Variants in ALKBH3 observed in about 807,000 individuals in gnomAD.
The protein encoded by ALKBH3 is alpha-ketoglutarate-dependent dioxygenase alkB homolog 3.
ALKBH3 carries 51 observed loss-of-function variants against 43.9 expected under a neutral mutation model. That is an observed-to-expected ratio of 1.16 (90% CI 0.93 to 1.47). The LOEUF (loss-of-function observed/expected upper bound fraction) is 1.47, where lower values mean the gene tolerates loss of function less well. Ranked by LOEUF, ALKBH3 falls within the 40% of genes most tolerant of loss-of-function variation. The probability of loss-of-function intolerance (pLI) is 0.00; values close to 1 mark genes in which losing one functional copy is unlikely to be tolerated. For synonymous variants in ALKBH3, 102 were observed against 115.2 expected, an observed-to-expected ratio of 0.89 and a Z score of 0.73; for missense variants, 361 against 351.9, an observed-to-expected ratio of 1.03 and a Z score of -0.21.
intron 5 of ALKBH3, among the ~76,000 whole-genome samples, chr11:43,887,664 C>T (rs1951755512): frequency 6.6e-6 from 1 of 152,130 alleles, no homozygotes; most frequent in Admixed American, 6.5e-5. Flanking sequence ...AGAATTGCGC[C>T]TAGCCTGGAC....
chr11:43,906,156 A>G (rs767362359), intron 8 of ALKBH3, among the ~76,000 whole-genome samples: 1 of 152,328 alleles, frequency 6.6e-6, no homozygotes, highest in South Asian at 2.1e-4. Context: ...CTTGTGAAGA[A>G]TGTGAATCCT....
At chr11:43,915,343 A>G (rs747700169) in intron 8 of ALKBH3, among the ~76,000 whole-genome samples, 3 of 152,148 alleles carry the variant, frequency 2.0e-5, no homozygotes, top group Non-Finnish European at 4.4e-5. Flanking sequence ...AGGTACTGTC[A>G]TGTTTTCCTG....
chr11:43,883,965 C>T lies in ALKBH3; in HGVS notation c.184-18C>T, dbSNP rs1951730975. The stretch of plus-strand genomic sequence containing the variant: ...ATTAAGAACATCCCAGAAGTAAGAT[C>T]CGCCTATTTCCTTGCAGGTAGTACG... On this transcript the variant is annotated intron_variant, in intron 3 of 9. Transcript: ENST00000302708. 1.2e-6 allele frequency: 2 copies of T among 1,612,944 alleles called. No homozygotes were observed. Among genetic ancestry groups the T allele is most frequent in the Non-Finnish European group, 1.7e-6 (2 of 1,179,548 alleles).
intron 8 of ALKBH3, among the ~76,000 whole-genome samples, chr11:43,907,089 A>G (rs1195811426): frequency 6.6e-6 from 1 of 152,186 alleles, no homozygotes; most frequent in African/African-American, 2.4e-5. Flanking sequence ...TTGAAAGAGT[A>G]TAGGGAAGCC....
chr11:43,885,716 G>A (rs904922417), intron 4 of ALKBH3, among the ~76,000 whole-genome samples: 1 of 152,164 alleles, frequency 6.6e-6, no homozygotes, highest in African/African-American at 2.4e-5. Flanking sequence ...CAGACACTGG[G>A]AAGCAATAAT....
chr11:43,915,624 TA>T (rs1383376200), intron 8 of ALKBH3, among the ~76,000 whole-genome samples: 1 of 150,768 alleles, frequency 6.6e-6, no homozygotes. Flanking sequence ...ATGCCTGATA[TA>T]TACAGGTGGT....
intron 7 of ALKBH3, among the ~76,000 whole-genome samples, chr11:43,892,362 C>A (rs1424198827): frequency 6.6e-6 from 1 of 152,140 alleles, no homozygotes; most frequent in Non-Finnish European, 1.5e-5. Flanking sequence ...GGAAAATGAA[C>A]TATTTCTTCT....
Position 43,919,208 on chromosome 11 carries a change from AG to A in ALKBH3, c.768+73del, listed in dbSNP as rs1952007787. 4 of 1,307,616 alleles carry A rather than the reference AG, an allele frequency of 3.1e-6. No homozygotes were observed. In the African/African-American group the frequency reaches 4.3e-5, roughly 14 times the overall value. The allele number at this position is 1,307,616 out of a possible 1,614,324, so 81.0% of individuals were successfully genotyped here. ...TTCCTGACTCTGAGGACTATTTCTAAGTAGACATGGTGAAAAGCAAGCTGCT... is the reference window on the plus strand; with the variant it reads ...TTCCTGACTCTGAGGACTATTTCTAATAGACATGGTGAAAAGCAAGCTGCT... On this transcript the variant is annotated intron_variant, in intron 9 of 9. Transcript: ENST00000302708.
chr11:43,901,396 T>G, intron 7 of ALKBH3, 120 bp from the exon 8 acceptor site: 4 of 1,075,246 alleles, frequency 3.7e-6, no homozygotes, highest in Non-Finnish European at 5.4e-6. Context: ...TGTGGTTTGC[T>G]TATTACATGC....
At chr11:43,914,216 G>A (rs1012397745) in intron 8 of ALKBH3, among the ~76,000 whole-genome samples, 6 of 152,184 alleles carry the variant, frequency 3.9e-5, no homozygotes, top group South Asian at 2.1e-4. Flanking sequence ...CTTTAGAGCC[G>A]GGCCAATCTA....
At chr11:43,886,539 C>G in intron 4 of ALKBH3, 67 bp from the exon 5 acceptor site, 4 of 1,526,718 alleles carry the variant, frequency 2.6e-6, no homozygotes, top group Non-Finnish European at 3.6e-6. Flanking sequence ...AGAAGGATAA[C>G]TCTTCCACTG....
At chr11:43,898,528 G>A (rs1015172254) in intron 7 of ALKBH3, 25 of 835,638 alleles carry the variant, frequency 3.0e-5, no homozygotes, top group Non-Finnish European at 3.8e-5. Context: ...GCTGAGATAC[G>A]TTCTCTCCAT....
intron 7 of ALKBH3, chr11:43,897,462 CA>C (rs1326369412): frequency 5.4e-6 from 4 of 738,074 alleles, no homozygotes; most frequent in African/African-American, 1.7e-5. Context: ...AATCATGGTG[CA>C]AAAATACCAG....
At chr11:43,908,327 G>A (rs147693276) in intron 8 of ALKBH3, among the ~76,000 whole-genome samples, 1,994 of 152,360 alleles carry the variant, frequency 0.013, 21 homozygotes, top group Non-Finnish European at 0.019. Context: ...GAGGGAAAGA[G>A]TTCCGGGGGA....
chr11:43,890,371 TCCACAAG>T (rs923733563), intron 6 of ALKBH3, among the ~76,000 whole-genome samples: 9 of 152,280 alleles, frequency 5.9e-5, no homozygotes, highest in African/African-American at 2.2e-4. Flanking sequence ...TCTGCGGGCA[TCCACAAG>T]CCAACAGTGC....
Position 43,891,437 on chromosome 11 carries a change from C to CTAT in ALKBH3, c.371-587_371-585dup, listed in dbSNP as rs146441320. Among the ~76,000 whole-genome samples the CTAT allele has an allele frequency of 1.5e-3, 230 of 151,852 alleles. 1 individual carries two copies. Among genetic ancestry groups the CTAT allele is most frequent in the African/African-American group, 4.9e-3 (202 of 41,402 alleles). ...AGCCTTCAGTGAGTATTAGCTGCTG[C>CTAT]TATTATTATTATTATTATTGTTCTT... On this transcript the variant is annotated intron_variant, in intron 6 of 9. Transcript: ENST00000302708.
At chr11:43,897,512 T>A (rs1951827640) in intron 7 of ALKBH3, 1 of 759,228 alleles carries the variant, frequency 1.3e-6, no homozygotes, top group Non-Finnish European at 2.4e-6. Context: ...TCAAATTAAT[T>A]ATGGCTGCCT....
At chr11:43,894,539 A>C (rs1951805309) in intron 7 of ALKBH3, among the ~76,000 whole-genome samples, 1 of 152,174 alleles carries the variant, frequency 6.6e-6, no homozygotes, top group Admixed American at 6.5e-5. Context: ...TCAGTACCAA[A>C]AATAACCCAG....
At chr11:43,887,859 A>T (rs1951756860) in intron 5 of ALKBH3, among the ~76,000 whole-genome samples, 1 of 149,890 alleles carries the variant, frequency 6.7e-6, no homozygotes, top group South Asian at 2.1e-4. Flanking sequence ...CGTGATCTCC[A>T]CTCACTGCAA....
Sources: gnomAD v4.1 joint callset for allele counts (sites outside exome capture counted in the v4.1 genomes callset) on GRCh38, gnomAD v4.1.1 for gene constraint, MANE v1.5 for transcripts, NCBI Gene and HGNC (gene_info 2026-07-23, HGNC 2026-07-21) for gene names.